CELSR1: variants seen among roughly 807,000 people sequenced by gnomAD.
The protein encoded by CELSR1 is cadherin EGF LAG seven-pass G-type receptor 1, also known as adhesion G protein-coupled receptor C1.
In CELSR1, 110 loss-of-function variants were observed where a neutral mutation model predicts 249.1. The observed-to-expected ratio is 0.44, with a 90% CI of 0.38 to 0.52. The LOEUF (loss-of-function observed/expected upper bound fraction) is 0.52, where lower values mean the gene tolerates loss of function less well. Ranked by LOEUF, CELSR1 falls within the 20% of genes least tolerant of loss-of-function variation. The pLI, the probability that CELSR1 is intolerant of heterozygous loss-of-function variation, is 0.00. For synonymous variants in CELSR1, 2,113 were observed against 1,900.0 expected, an observed-to-expected ratio of 1.11 and a Z score of -2.92; for missense variants, 4,109 against 4,296.4, an observed-to-expected ratio of 0.96 and a Z score of 1.22.
chr22:46,433,479 C>T lies in CELSR1; in HGVS notation c.4525G>A (p.Glu1509Lys), dbSNP rs1156519745. The change falls in exon 5 of 35, where the codon GAG (glutamate) becomes AAG (lysine). Residue 1509 changes from glutamate (E) to lysine (K), a missense_variant and splice_region_variant. This residue lies in a region of CELSR1 where 453 missense variants were observed against 492.0 expected (regional missense o/e 0.92). Coordinates refer to ENST00000674500, the MANE Select transcript of CELSR1 (RefSeq NM_001378328.1). The surrounding 1 kb of genome is among the most constrained non-coding windows in gnomAD (Gnocchi z 5.7). ...EQVQLTFSAG[E>K]TTTTVAPKVP... ...TTCGGTGCCACGGTCGTTGTTGTCT[C>T]GCCTGCATGGTGGGAGGGAGACCCA... 9.3e-6 allele frequency: 15 copies of T among 1,612,480 alleles called. No individual in the cohort carries two copies. Among genetic ancestry groups the T allele is most frequent in the African/African-American group, 1.3e-5 (1 of 74,968 alleles).
intron 13 of CELSR1, 24 bp from the exon 14 acceptor site, chr22:46,394,286 C>G (rs1436456926): frequency 6.2e-7 from 1 of 1,606,576 alleles, no homozygotes; most frequent in Non-Finnish European, 8.5e-7. Context: ...AAGAGGGCAG[C>G]TGGAAGGTTT....
At position 46,437,033 on chromosome 22, in the gene CELSR1, GA is replaced by G. The variant is rs1256491203; in HGVS notation, c.4407-745del. Among the ~76,000 whole-genome samples the G allele has an allele frequency of 6.6e-6, 1 of 152,314 alleles. No individual in the cohort carries two copies. Among genetic ancestry groups the G allele is most frequent in the East Asian group, 1.9e-4 (1 of 5,194 alleles). On this transcript the variant is annotated intron_variant, in intron 3 of 34. Coordinates refer to ENST00000674500, the MANE Select transcript of CELSR1 (RefSeq NM_001378328.1). The surrounding 1 kb of genome is among the most constrained non-coding windows in gnomAD (Gnocchi z 4.9). Reference sequence around the variant, plus strand: ...AGCTCTCATTCCCTGCTGCATTCCAGAACCCAAAGAAGATCTGGTCCATATC... The same window carrying G: ...AGCTCTCATTCCCTGCTGCATTCCAGACCCAAAGAAGATCTGGTCCATATC...
intron 14 of CELSR1, among the ~76,000 whole-genome samples, chr22:46,392,272 G>A (rs1353029516): frequency 6.6e-6 from 1 of 152,164 alleles, no homozygotes; most frequent in African/African-American, 2.4e-5. Flanking sequence ...CCTGACCCTT[G>A]CCGTTTACCA....
chr22:46,476,285 G>A (rs144233562), intron 1 of CELSR1, among the ~76,000 whole-genome samples: 2 of 152,046 alleles, frequency 1.3e-5, no homozygotes, highest in Non-Finnish European at 2.9e-5. Flanking sequence ...TCATACAATG[G>A]AATATTATTC....
chr22:46,392,335 C>G (rs1192536303), intron 14 of CELSR1, among the ~76,000 whole-genome samples: 1 of 152,186 alleles, frequency 6.6e-6, no homozygotes, highest in Non-Finnish European at 1.5e-5. Context: ...GTAGCACCCC[C>G]TCAACCCCGC....
Position 46,402,290 on chromosome 22 carries a change from C to A in CELSR1, c.5227-2388G>T, listed in dbSNP as rs141134303. On this transcript the variant is annotated intron_variant, in intron 9 of 34. Coordinates refer to ENST00000674500, the MANE Select transcript of CELSR1 (RefSeq NM_001378328.1). The surrounding 1 kb of genome is among the most constrained non-coding windows in gnomAD (Gnocchi z 5.0). The stretch of plus-strand genomic sequence containing the variant: ...GGAGTGCAATGGCACAATCTCAGCT[C>A]ACTGTAAACTCCACCTCCCAGGTTC... Among the ~76,000 whole-genome samples the A allele has an allele frequency of 0.024, 3,617 of 151,508 alleles. 134 individuals are homozygous for A. Among genetic ancestry groups the A allele is most frequent in the African/African-American group, 0.083 (3,423 of 41,246 alleles).
chr22:46,537,387 C>A lies in CELSR1; in HGVS notation c.-217G>T, dbSNP rs1307652684. 6.7e-6 allele frequency among the ~76,000 whole-genome samples: 1 copy of A among 148,570 alleles called. No homozygotes were observed. The highest frequency in any genetic ancestry group is 1.5e-5 in the Non-Finnish European group (1 of 66,788). ...TTCGAGAGCACTTTGCGAAAGTTTG[C>A]GAAGTTGGTTTCAAGATGGCTCCTC... On this transcript the variant is annotated 5_prime_UTR_variant, in exon 1 of 35. Transcript: ENST00000674500. The surrounding 1 kb of genome is among the most constrained non-coding windows in gnomAD (Gnocchi z 5.8).
At chr22:46,385,033 T>G (rs1309640428) in intron 19 of CELSR1, among the ~76,000 whole-genome samples, 1 of 151,986 alleles carries the variant, frequency 6.6e-6, no homozygotes, top group African/African-American at 2.4e-5. Context: ...CTCAAGTAAT[T>G]TGCATGCCCC....
In CELSR1 at chr22:46,518,063, C is replaced by T. The variant is rs767734109; in HGVS notation, c.3544+15564G>A. ...GATTACAGTCATGTGCCACCACACC[C>T]GGGTAATTTTTTTGTGTTTTTAGTA... On this transcript the variant is annotated intron_variant, in intron 1 of 34. Coordinates refer to ENST00000674500, the MANE Select transcript of CELSR1 (RefSeq NM_001378328.1). The surrounding 1 kb of genome is among the most constrained non-coding windows in gnomAD (Gnocchi z 5.2). Among the ~76,000 whole-genome samples, 61 of 151,606 alleles carry T rather than the reference C, an allele frequency of 4.0e-4. No individual in the cohort carries two copies. Among genetic ancestry groups the T allele is most frequent in the Non-Finnish European group, 7.2e-4 (49 of 68,018 alleles).
chr22:46,439,367 C>T lies in CELSR1; in HGVS notation c.4228G>A (p.Gly1410Arg), dbSNP rs771534882. The change falls in exon 3 of 35, where the codon GGG becomes AGG. Residue 1410 changes from glycine to arginine, a missense_variant. Coordinates refer to ENST00000674500, the MANE Select transcript of CELSR1 (RefSeq NM_001378328.1). Reference protein sequence around the residue: ...VDARSGRCANGVCKNGGTCVN... With the variant: ...VDARSGRCANRVCKNGGTCVN... Reference sequence around the variant, plus strand: ...CAGGTGCCCCCGTTCTTGCACACCCCGTTGGCACAGCGGCCTGAGCGGGCA... The same window carrying T: ...CAGGTGCCCCCGTTCTTGCACACCCTGTTGGCACAGCGGCCTGAGCGGGCA... 8.7e-6 allele frequency: 14 copies of T among 1,613,930 alleles called. No individual in the cohort carries two copies. Among genetic ancestry groups the T allele is most frequent in the East Asian group, 2.2e-5 (1 of 44,868 alleles).
chr22:46,528,690 A>G (rs2080762318), intron 1 of CELSR1, among the ~76,000 whole-genome samples: 1 of 152,198 alleles, frequency 6.6e-6, no homozygotes, highest in Admixed American at 6.5e-5. Flanking sequence ...GCACTTTGGG[A>G]GGCTGAGGCG....
chr22:46,363,562 T>TGGAG lies in CELSR1; in HGVS notation c.9036-319_9036-316dup, dbSNP rs1270909616. 7 of 345,264 alleles carry TGGAG rather than the reference T, an allele frequency of 2.0e-5. No individual in the cohort carries two copies. The highest frequency in any genetic ancestry group is 1.7e-4 in the East Asian group (3 of 17,366). 21.4% of individuals were successfully genotyped at this position (345,264 alleles called of 1,614,324 possible). A position where few individuals can be genotyped will look rare whatever the true frequency, so the allele number is the denominator to read the frequency against. On this transcript the variant is annotated intron_variant, in intron 34 of 34. Transcript: ENST00000674500. This position sits in a 1 kb window ranked among gnomAD's most constrained non-coding sequence, Gnocchi z 4.3. ...AGACCTGGCTTCTCCCTTGTGAGTT[T>TGGAG]GGAGGGAGGGAGGGGCGACAGGGAG...
intron 1 of CELSR1, among the ~76,000 whole-genome samples, chr22:46,494,900 T>C (rs1602210226): frequency 6.6e-6 from 1 of 152,226 alleles, no homozygotes; most frequent in Admixed American, 6.5e-5. Flanking sequence ...TTGTAGGTTA[T>C]ATATTTCACT....
chr22:46,406,258 G>C lies in CELSR1; in HGVS notation c.5226+2738C>G, dbSNP rs150643708. ...CCCCAGGCAGCACCGCACTTGCCAA[G>C]TTTTGGCCTGGAGCAAGCTTCTGGG... On this transcript the variant is annotated intron_variant, in intron 9 of 34. Transcript: ENST00000674500. The surrounding 1 kb of genome is among the most constrained non-coding windows in gnomAD (Gnocchi z 5.4). Among the ~76,000 whole-genome samples the C allele has an allele frequency of 2.1e-3, 326 of 152,364 alleles. 5 individuals carry two copies. In the South Asian group the frequency reaches 0.033, roughly 15 times the overall value.
At chr22:46,497,452 C>T (rs1260660083) in intron 1 of CELSR1, among the ~76,000 whole-genome samples, 1 of 152,180 alleles carries the variant, frequency 6.6e-6, no homozygotes, top group Non-Finnish European at 1.5e-5. Context: ...GAGAATCTGT[C>T]CCAGGCCTCT....
chr22:46,472,652 G>A lies in CELSR1; in HGVS notation c.3545-8307C>T, dbSNP rs536191768. ...GCTCCCGGGGCCGTCGGAGCAAAGGGCCGCCGCTGCATCACCAATACAGGA... is the reference window on the plus strand; with the variant it reads ...GCTCCCGGGGCCGTCGGAGCAAAGGACCGCCGCTGCATCACCAATACAGGA... On this transcript the variant is annotated intron_variant, in intron 1 of 34. Transcript: ENST00000674500. This position sits in a 1 kb window ranked among gnomAD's most constrained non-coding sequence, Gnocchi z 7.0. Among the ~76,000 whole-genome samples, 1 of 152,324 alleles carries A rather than the reference G, an allele frequency of 6.6e-6. No homozygotes were observed. The highest frequency in any genetic ancestry group is 6.5e-5 in the Admixed American group (1 of 15,302).
At chr22:46,520,575 C>T (rs1034652257) in intron 1 of CELSR1, among the ~76,000 whole-genome samples, 3 of 152,144 alleles carry the variant, frequency 2.0e-5, no homozygotes, top group Admixed American at 6.6e-5. Flanking sequence ...ATTCTCCTAC[C>T]TCAGCCTCCT....
At position 46,453,032 on chromosome 22, in the gene CELSR1, G is replaced by T. The variant is rs1602156497; in HGVS notation, c.4183+10675C>A. On this transcript the variant is annotated intron_variant, in intron 2 of 34. Transcript: ENST00000674500. ...CAGGGGAGAGGGCACTGTGCAGCCT[G>T]GCGCCCCACTGAGCACTTGGCTCCT... Among the ~76,000 whole-genome samples, 3 of 151,822 alleles carry T rather than the reference G, an allele frequency of 2.0e-5. No homozygotes were observed. In the Middle Eastern group the frequency reaches 0.01, roughly 516 times the overall value.
intron 19 of CELSR1, 82 bp from the exon 20 acceptor site, chr22:46,384,768 C>T (rs967926755): frequency 7.1e-7 from 1 of 1,405,774 alleles, no homozygotes; most frequent in Non-Finnish European, 9.6e-7. Flanking sequence ...CCACAACTGT[C>T]ACACTGACGC....
Sources: gnomAD v4.1 joint callset for allele counts (sites outside exome capture counted in the v4.1 genomes callset) on GRCh38, gnomAD v4.1.1 for gene constraint, gnomAD v4.1.1 regional missense constraint, Gnocchi (gnomAD v3.1) non-coding constraint, MANE v1.5 for transcripts, NCBI Gene and HGNC (gene_info 2026-07-23, HGNC 2026-07-21) for gene names.